KIF26B: variants seen among roughly 807,000 people sequenced by gnomAD.
KIF26B encodes the protein kinesin family member 26B.
In KIF26B, 63 loss-of-function variants were observed where a neutral mutation model predicts 151.2. The ratio of observed to expected loss-of-function variants is 0.42; its 90% CI spans 0.34 to 0.51. KIF26B has a LOEUF of 0.51. Among genes scored for constraint, KIF26B ranks in the 20% least tolerant of loss-of-function variants. The pLI is 0.07. For synonymous variants in KIF26B, 1,357 were observed against 1,262.1 expected, an observed-to-expected ratio of 1.08 and a Z score of -1.59; for missense variants, 2,813 against 2,913.6, an observed-to-expected ratio of 0.97 and a Z score of 0.79.
intron 2 of KIF26B, among the ~76,000 whole-genome samples, chr1:245,231,229 T>C (rs73127169): frequency 6.6e-6 from 1 of 151,998 alleles, no homozygotes; most frequent in Non-Finnish European, 1.5e-5. Flanking sequence ...AAAACTACAA[T>C]CTAGGCTGGG....
chr1:245,261,621 G>A (rs1188149049), intron 2 of KIF26B, among the ~76,000 whole-genome samples: 1 of 150,690 alleles, frequency 6.6e-6, no homozygotes, highest in Non-Finnish European at 1.5e-5. Flanking sequence ...GTCTAGCTGT[G>A]TTGCCCAGGC....
chr1:245,326,330 A>T (rs1372083729), intron 2 of KIF26B, among the ~76,000 whole-genome samples: 1 of 152,198 alleles, frequency 6.6e-6, no homozygotes, highest in African/African-American at 2.4e-5. Flanking sequence ...ATGATTTACT[A>T]GGTGGGTTAT....
At chr1:245,373,921 G>A (rs61829610) in intron 3 of KIF26B, among the ~76,000 whole-genome samples, 4,324 of 150,178 alleles carry the variant, frequency 0.029, 87 homozygotes, top group Non-Finnish European at 0.043. Context: ...TCAGCCAGGC[G>A]TGGTGGCATG....
intron 9 of KIF26B, among the ~76,000 whole-genome samples, chr1:245,628,086 A>T (rs2043743055): frequency 6.6e-6 from 1 of 152,216 alleles, no homozygotes; most frequent in African/African-American, 2.4e-5. Context: ...TTCTGAAACT[A>T]TTCCAAACAA....
chr1:245,161,513 T>C (rs957689050), intron 2 of KIF26B, among the ~76,000 whole-genome samples: 18 of 152,212 alleles, frequency 1.2e-4, no homozygotes, highest in African/African-American at 4.3e-4. Flanking sequence ...TGCCATTTGT[T>C]ATTTGGCATT....
At chr1:245,193,745 C>T (rs1053515699) in intron 2 of KIF26B, among the ~76,000 whole-genome samples, 5 of 152,174 alleles carry the variant, frequency 3.3e-5, no homozygotes, top group African/African-American at 1.2e-4. Flanking sequence ...ATGTTCAAAC[C>T]TGAGTCATCT....
intron 4 of KIF26B, among the ~76,000 whole-genome samples, chr1:245,464,388 T>G (rs1558176376): frequency 6.7e-6 from 1 of 148,682 alleles, no homozygotes; most frequent in Admixed American, 6.7e-5. Context: ...TGTAGGTGTG[T>G]GTGTGTGGGT....
At chr1:245,321,939 C>T (rs1283069224) in intron 2 of KIF26B, among the ~76,000 whole-genome samples, 1 of 152,146 alleles carries the variant, frequency 6.6e-6, no homozygotes, top group East Asian at 1.9e-4. Flanking sequence ...TGAGAGGAAC[C>T]AAGAAAGTAC....
At position 245,702,336 on chromosome 1, in the gene KIF26B, A is replaced by G; in HGVS notation, c.6179-122A>G. ...AGGGAACTCTGCAGTGGCCTAAGGC[A>G]AGCGAACTAGACCTTTAGACCAAGG... On this transcript the variant is annotated intron_variant, in intron 14 of 14. Coordinates refer to ENST00000407071, the MANE Select transcript of KIF26B (RefSeq NM_018012.4). The surrounding 1 kb of genome is among the most constrained non-coding windows in gnomAD (Gnocchi z 4.1). The G allele has an allele frequency of 9.5e-7, 1 of 1,057,704 alleles. No individual in the cohort carries two copies. The highest frequency in any genetic ancestry group is 1.6e-5 in the African/African-American group (1 of 63,234). The allele number at this position is 1,057,704 out of a possible 1,614,324, so 65.5% of individuals were successfully genotyped here. A position where few individuals can be genotyped will look rare whatever the true frequency, so the allele number is the denominator to read the frequency against.
chr1:245,421,041 G>A (rs1658472882), intron 4 of KIF26B, among the ~76,000 whole-genome samples: 1 of 152,180 alleles, frequency 6.6e-6, no homozygotes, highest in Admixed American at 6.5e-5. Flanking sequence ...GGAAGTAATA[G>A]GAAATATGTA....
rs980060835 is a variant in KIF26B, at chr1:245,686,645, C to T, written c.3662C>T (p.Ala1221Val). ...ISFNSDCSAR[A>V]LASGSRPVSI... is the part of the protein sequence containing the mutation. ...TTCAACAGCGACTGCTCTGCACGGG[C>T]CCTGGCCTCGGGCTCGCGGCCCGTC... Residue 1221 changes from alanine to valine, a missense_variant, in exon 12 of 15, where the codon GCC becomes GTC. By Grantham distance (64) the Ala-to-Val change is moderately conservative. This residue lies in a region of KIF26B where 2,060 missense variants were observed against 2,088.6 expected (regional missense o/e 0.99). Coordinates refer to ENST00000407071, the MANE Select transcript of KIF26B (RefSeq NM_018012.4). This position sits in a 1 kb window ranked among gnomAD's most constrained non-coding sequence, Gnocchi z 5.6. The T allele has an allele frequency of 6.2e-7, 1 of 1,610,814 alleles. No individual in the cohort carries two copies. Among genetic ancestry groups the T allele is most frequent in the African/African-American group, 1.3e-5 (1 of 74,860 alleles).
rs967019300 is a variant in KIF26B, at chr1:245,384,535, C to T, written c.999+17168C>T. Among the ~76,000 whole-genome samples, 5 of 152,354 alleles carry T rather than the reference C, an allele frequency of 3.3e-5. No individual in the cohort carries two copies. In the East Asian group the frequency reaches 9.6e-4, roughly 29 times the overall value. ...CTCCTGGGCTCAAGTGGTCCTCCCACTTTGACCTCCCACAGTGCTGGATTA... is the reference window on the plus strand; with the variant it reads ...CTCCTGGGCTCAAGTGGTCCTCCCATTTTGACCTCCCACAGTGCTGGATTA... On this transcript the variant is annotated intron_variant, in intron 3 of 14. Coordinates refer to ENST00000407071, the MANE Select transcript of KIF26B (RefSeq NM_018012.4).
chr1:245,413,900 C>T (rs914648487), intron 3 of KIF26B, among the ~76,000 whole-genome samples: 4 of 152,216 alleles, frequency 2.6e-5, no homozygotes, highest in African/African-American at 7.2e-5. Context: ...GTGGCTCCTC[C>T]TCCTACTAGC....
chr1:245,671,870 G>A lies in KIF26B; in HGVS notation c.2259-12363G>A, dbSNP rs905002966. Among the ~76,000 whole-genome samples, 5 of 152,174 alleles carry A rather than the reference G, an allele frequency of 3.3e-5. No homozygotes were observed. The South Asian group carries it at 8.3e-4, about 25-fold the overall frequency. On this transcript the variant is annotated intron_variant, in intron 10 of 14. Transcript: ENST00000407071. ...ATGAGCACCGATGCAGGAGAGGCAC[G>A]AAAGCTCACAGCGTGTTCAGGGCGT...
chr1:245,553,448 G>A (rs924537759), intron 5 of KIF26B, among the ~76,000 whole-genome samples: 13 of 152,186 alleles, frequency 8.5e-5, no homozygotes, highest in African/African-American at 3.1e-4. Flanking sequence ...GAGGCTGGTC[G>A]TCCTCCTCTG....
intron 4 of KIF26B, among the ~76,000 whole-genome samples, chr1:245,441,561 A>G (rs1233634969): frequency 6.6e-6 from 1 of 152,062 alleles, no homozygotes; most frequent in Admixed American, 6.6e-5. Flanking sequence ...GGAGGGTTCC[A>G]GTTCACTCGG....
At position 245,419,682 on chromosome 1, in the gene KIF26B, A is replaced by AG; in HGVS notation, c.1106dup (p.Ser370LeufsTer30). The AG allele has an allele frequency of 6.2e-7, 1 of 1,613,828 alleles. No individual in the cohort carries two copies. ...TCCGCCTGCAGTGTCCCAGCCTCGC[A>AG]GGGCTCCTGCGTGGCCAGCGAGACT... On this transcript the variant is annotated frameshift_variant, in exon 4 of 15. Transcript: ENST00000407071. LOFTEE classifies it high-confidence loss of function.
rs2044521386 is a variant in KIF26B at position 245,686,433 on chromosome 1, T to G, written c.3450T>G (p.Thr1150=). ...MSAGSEGFPE[T]PVDDEQQAAT... is the part of the protein sequence containing the mutation. ...CTGGGAGCGAAGGGTTCCCGGAAAC[T>G]CCTGTCGATGATGAGCAGCAGGCAG... The change falls in exon 12 of 15, where the codon ACT becomes ACG. Residue 1150 remains threonine (T), a synonymous_variant. Transcript: ENST00000407071. This position sits in a 1 kb window ranked among gnomAD's most constrained non-coding sequence, Gnocchi z 5.6. The G allele has an allele frequency of 6.2e-7, 1 of 1,613,382 alleles. No homozygotes were observed. The highest frequency in any genetic ancestry group is 8.5e-7 in the Non-Finnish European group (1 of 1,179,894).
At chr1:245,539,710 T>G (rs1661562640) in intron 4 of KIF26B, among the ~76,000 whole-genome samples, 1 of 152,184 alleles carries the variant, frequency 6.6e-6, no homozygotes, top group Non-Finnish European at 1.5e-5. Flanking sequence ...TGGAGAGCAG[T>G]GGCGCTATCT....
Sources: gnomAD v4.1 joint callset for allele counts (sites outside exome capture counted in the v4.1 genomes callset) on GRCh38, gnomAD v4.1.1 for gene constraint, gnomAD v4.1.1 regional missense constraint, Gnocchi (gnomAD v3.1) non-coding constraint, MANE v1.5 for transcripts, NCBI Gene and HGNC (gene_info 2026-07-23, HGNC 2026-07-21) for gene names.